PPOX: variants seen among roughly 807,000 people sequenced by gnomAD.
The protein encoded by PPOX is variegate porphyria.
In PPOX, 23 loss-of-function variants were observed where a neutral mutation model predicts 54.1. The observed-to-expected ratio is 0.43, with a 90% CI of 0.31 to 0.60. PPOX has a LOEUF of 0.60. Ranked by LOEUF, PPOX falls within the 20% of genes least tolerant of loss-of-function variation. PPOX has a pLI of 0.13. For synonymous variants in PPOX, 224 were observed against 236.1 expected (o/e 0.95, Z 0.47); for missense variants, 512 against 601.1 (o/e 0.85, Z 1.55).
chr1:161,171,277 A>C, downstream of PPOX: 1 of 1,582,788 alleles, frequency 6.3e-7, no homozygotes, highest in African/African-American at 1.3e-5. Context: ...CAAAGAGGCA[A>C]AGTGTGCCTG....
At chr1:161,166,777 G>A (rs1393842792) in intron 1 of PPOX, 63 bp from the exon 2 acceptor site, 3 of 1,599,428 alleles carry the variant, frequency 1.9e-6, no homozygotes, top group Non-Finnish European at 1.7e-6. Flanking sequence ...CTCAAAACCG[G>A]CGGGGCTTCT....
chr1:161,173,850 GC>G (rs762759113), downstream of PPOX: 7 of 1,612,724 alleles, frequency 4.3e-6, no homozygotes, highest in African/African-American at 9.3e-5. Flanking sequence ...ACCCTTCCAT[GC>G]CCTCTACCTG....
chr1:161,176,923 T>C (rs929260704), exon 5 of PPOX: 51 of 1,535,940 alleles, frequency 3.3e-5, no homozygotes, highest in African/African-American at 3.0e-4. Context: ...CAGGGCGAAG[T>C]AGGAAACAGG....
downstream of PPOX, chr1:161,173,597 A>C: frequency 6.2e-7 from 1 of 1,613,704 alleles, no homozygotes; most frequent in Non-Finnish European, 8.5e-7. Flanking sequence ...AGTGGCAGGA[A>C]GTCTGACCTG....
chr1:161,167,361 T>C lies in PPOX; in HGVS notation c.223-10T>C. 6.2e-7 allele frequency: 1 copy of C among 1,614,014 alleles called. No individual in the cohort carries two copies. Among genetic ancestry groups the C allele is most frequent in the African/African-American group, 1.3e-5 (1 of 74,974 alleles). On this transcript the variant is annotated splice_polypyrimidine_tract_variant and intron_variant, in intron 3 of 12. Transcript: ENST00000367999. ...TAGTTTCTCCTCTTCTGAGGGCATG[T>C]GGAGAGCAGGTTTCTGAGCTTGGCT...
chr1:161,166,252 G>A, upstream of PPOX: 4 of 963,096 alleles, frequency 4.2e-6, no homozygotes, highest in East Asian at 1.1e-4. Context: ...TGACGGGTAC[G>A]GCCGCTCACT....
At position 161,170,508 on chromosome 1, in the gene PPOX, C is replaced by T; in HGVS notation, c.1087C>T (p.Leu363Phe). 1 of 1,614,260 alleles carries T rather than the reference C, an allele frequency of 6.2e-7. No individual in the cohort carries two copies. The highest frequency in any genetic ancestry group is 8.5e-7 in the Non-Finnish European group (1 of 1,180,034). ...FPEQDGSPPGLRVTVMLGGSW... is the reference protein window; with the variant it reads ...FPEQDGSPPGFRVTVMLGGSW... ...TGAGCAGGACGGGAGCCCCCCTGGCCTCAGAGTGACTGTGAGGAGGAGGAA... is the reference window on the plus strand; with the variant it reads ...TGAGCAGGACGGGAGCCCCCCTGGCTTCAGAGTGACTGTGAGGAGGAGGAA... The change falls in exon 10 of 13, where the codon CTC becomes TTC. Residue 363 changes from leucine to phenylalanine, a missense_variant. Leu to Phe is a conservative substitution (Grantham distance 22). Transcript: ENST00000367999.
downstream of PPOX, chr1:161,177,151 G>A: frequency 7.0e-7 from 1 of 1,422,316 alleles, no homozygotes; most frequent in Non-Finnish European, 9.5e-7. Flanking sequence ...GACAGTCAGG[G>A]GTGGCTGGAA....
downstream of PPOX, among the ~76,000 whole-genome samples, chr1:161,174,332 C>A (rs1479046172): frequency 1.3e-5 from 2 of 150,042 alleles, no homozygotes; most frequent in Non-Finnish European, 1.5e-5. Context: ...GCGTAAAACC[C>A]GGGAGGTGGA....
chr1:161,171,843 G>A (rs1661550571), downstream of PPOX: 1 of 1,614,142 alleles, frequency 6.2e-7, no homozygotes, highest in Non-Finnish European at 8.5e-7. Flanking sequence ...GGGCTGTGTG[G>A]TTGGCAGTAG....
chr1:161,169,408 T>C (rs1482081588), intron 7 of PPOX: 4 of 691,608 alleles, frequency 5.8e-6, no homozygotes, highest in South Asian at 3.7e-5. Context: ...GGCTTAGAGA[T>C]AGGGGAAAGA....
downstream of PPOX, chr1:161,174,785 T>G (rs543878053): frequency 1.1e-4 from 66 of 583,362 alleles, 1 homozygote; most frequent in African/African-American, 1.2e-3. Context: ...CACAGGAGAG[T>G]GTAGGACAGT....
Position 161,168,977 on chromosome 1 carries a change from T to C in PPOX, c.617-16T>C, listed in dbSNP as rs774117333. The C allele has an allele frequency of 6.2e-7, 1 of 1,613,260 alleles. No individual in the cohort carries two copies. On this transcript the variant is annotated splice_polypyrimidine_tract_variant and intron_variant, in intron 6 of 12. Coordinates refer to ENST00000367999, the MANE Select transcript of PPOX (RefSeq NM_001122764.3). The stretch of plus-strand genomic sequence containing the variant: ...CTGCATCCAGCCTCAATGATTCTTC[T>C]TTGCTTCCTCTGCAGGGCGGACCCC...
chr1:161,177,185 C>A (rs1663910135), downstream of PPOX: 6 of 1,043,012 alleles, frequency 5.8e-6, no homozygotes, highest in East Asian at 1.3e-4. Context: ...GGGGCGTGGT[C>A]CGCGCTGTGG....
chr1:161,170,655 G>A lies in PPOX; in HGVS notation c.1134G>A (p.Glu378=), dbSNP rs753986672. 8 of 1,614,082 alleles carry A rather than the reference G, an allele frequency of 5.0e-6. No homozygotes were observed. Among genetic ancestry groups the A allele is most frequent in the African/African-American group, 4.0e-5 (3 of 74,936 alleles). The change falls in exon 11 of 13, where the codon GAG becomes GAA. Residue 378 remains glutamate, a synonymous_variant. Coordinates refer to ENST00000367999, the MANE Select transcript of PPOX (RefSeq NM_001122764.3). ...GAGGTTCCTGGTTACAGACACTGGA[G>A]GCTAGTGGCTGTGTCTTATCTCAGG... ...MLGGSWLQTL[E]ASGCVLSQEL...
At chr1:161,175,328 G>A, downstream of PPOX, 1 of 1,064,654 alleles carries the variant, frequency 9.4e-7, no homozygotes, top group South Asian at 1.4e-5. Flanking sequence ...TCTGGTTCTG[G>A]GGCTTAGTTC....
At chr1:161,173,474 A>C, downstream of PPOX, 2 of 1,334,916 alleles carry the variant, frequency 1.5e-6, no homozygotes, top group Non-Finnish European at 2.1e-6. Context: ...AAAAAGACTA[A>C]GGGAAAGGAA....
intron 4 of PPOX, chr1:161,176,274 C>T: frequency 1.5e-6 from 1 of 647,120 alleles, no homozygotes; most frequent in South Asian, 2.0e-5. Context: ...GTCACTTCAG[C>T]CCAAGTTTCG....
chr1:161,168,281 T>C, intron 5 of PPOX, 151 bp from the exon 6 acceptor site: 2 of 1,551,702 alleles, frequency 1.3e-6, no homozygotes, highest in Non-Finnish European at 1.8e-6. Context: ...AACTCATTAT[T>C]GGGAGTGAAG....
Sources: allele counts gnomAD v4.1 joint callset (sites outside exome capture counted in the v4.1 genomes callset), GRCh38; gene constraint gnomAD v4.1.1; transcripts MANE v1.5; gene names NCBI Gene and HGNC (gene_info 2026-07-23, HGNC 2026-07-21).